Variants in DMXL1 observed in about 807,000 individuals in gnomAD.
The protein encoded by DMXL1 is Dmx like 1.
Under a neutral mutation model 319.2 loss-of-function variants are expected in DMXL1, and 99 were observed. The observed-to-expected ratio is 0.31, with a 90% CI of 0.26 to 0.37. The LOEUF is 0.37. Ranked by LOEUF, DMXL1 falls within the 10% of genes least tolerant of loss-of-function variation. The pLI, the probability that DMXL1 is intolerant of heterozygous loss-of-function variation, is 1.00. For missense variants in DMXL1, 3,745 were observed against 3,595.6 expected (o/e 1.04, Z -1.06); for synonymous variants, 1,385 against 1,235.2 (o/e 1.12, Z -2.54).
intron 9 of DMXL1, 101 bp downstream of exon 9, chr5:119,121,240 G>T: frequency 1.0e-6 from 1 of 958,024 alleles, no homozygotes. Flanking sequence ...AATATTGGAG[G>T]TGACTGTCTT....
intron 28 of DMXL1, 38 bp downstream of exon 28, chr5:119,178,282 T>G (rs1391408157): frequency 6.3e-7 from 1 of 1,588,060 alleles, no homozygotes; most frequent in African/African-American, 1.4e-5. Flanking sequence ...GAAGCTTTAT[T>G]TATCTGAGTG....
intron 1 of DMXL1, among the ~76,000 whole-genome samples, chr5:119,097,088 C>G (rs796898184): frequency 7.9e-5 from 12 of 152,232 alleles, no homozygotes; most frequent in African/African-American, 2.9e-4. Flanking sequence ...TAGAAAAGAC[C>G]AGGCAGATAA....
At chr5:119,197,717 C>A (rs762616659) in intron 31 of DMXL1, 38 bp from the exon 32 acceptor site, 1 of 1,580,672 alleles carries the variant, frequency 6.3e-7, no homozygotes, top group Non-Finnish European at 8.7e-7. Flanking sequence ...TGGCATTTTA[C>A]TGCATAAGAT....
At chr5:119,189,568 C>A in intron 28 of DMXL1, 140 bp from the exon 29 acceptor site, 1 of 731,234 alleles carries the variant, frequency 1.4e-6, no homozygotes, top group Non-Finnish European at 2.2e-6. Flanking sequence ...TATTTTCTTA[C>A]CTGCTGTGTA....
rs1338995015 is a variant in DMXL1 at position 119,189,686 on chromosome 5, C to T, written c.7136-22C>T. On this transcript the variant is annotated intron_variant, in intron 28 of 43. Transcript: ENST00000539542. ...TGCAATGAAAATAGTACTTCAGTAA[C>T]ATTTTATTTTCTTTTTGTTAGTTTC... The T allele has an allele frequency of 2.5e-6, 4 of 1,604,890 alleles. No homozygotes were observed. In the Admixed American group the frequency reaches 5.0e-5, roughly 20 times the overall value.
chr5:119,097,378 G>A (rs1756205521), intron 1 of DMXL1, among the ~76,000 whole-genome samples: 2 of 152,170 alleles, frequency 1.3e-5, no homozygotes, highest in Admixed American at 1.3e-4. Context: ...ATAGGAGAGA[G>A]ATGATCATGG....
chr5:119,132,675 A>C (rs1424059895), intron 10 of DMXL1: 1 of 126,192 alleles, frequency 7.9e-6, no homozygotes, highest in Non-Finnish European at 1.7e-5. Flanking sequence ...ACTCCGTCTC[A>C]AAAAAAAAAA....
chr5:119,232,099 G>T (rs886152166), intron 38 of DMXL1, among the ~76,000 whole-genome samples: 2 of 152,056 alleles, frequency 1.3e-5, no homozygotes, highest in Middle Eastern at 3.2e-3. Flanking sequence ...TTCTGCCTCA[G>T]TCTCCTGAGT....
intron 4 of DMXL1, among the ~76,000 whole-genome samples, chr5:119,106,571 T>C (rs1758394302): frequency 6.6e-6 from 1 of 152,166 alleles, no homozygotes; most frequent in African/African-American, 2.4e-5. Context: ...AAAGTCATGC[T>C]AAAAATTTGA....
intron 17 of DMXL1, 81 bp from the exon 18 acceptor site, chr5:119,148,658 A>G: frequency 7.1e-7 from 1 of 1,411,116 alleles, no homozygotes; most frequent in Non-Finnish European, 9.6e-7. Context: ...AGTTAATACA[A>G]AAGACTAAAA....
At chr5:119,080,955 A>G (rs1402941674) in intron 1 of DMXL1, among the ~76,000 whole-genome samples, 1 of 152,164 alleles carries the variant, frequency 6.6e-6, no homozygotes, top group Admixed American at 6.5e-5. Context: ...TGGCTAACTC[A>G]TCCCTAAAGG....
intron 43 of DMXL1, among the ~76,000 whole-genome samples, chr5:119,246,118 T>A (rs985912239): frequency 5.9e-5 from 9 of 152,196 alleles, no homozygotes; most frequent in African/African-American, 2.2e-4. Flanking sequence ...TATAATTTGC[T>A]TTACAGGCAC....
chr5:119,097,300 T>G (rs769348912), intron 1 of DMXL1, among the ~76,000 whole-genome samples: 115 of 152,308 alleles, frequency 7.6e-4, no homozygotes, highest in Middle Eastern at 3.4e-3. Flanking sequence ...CAGTAAACAT[T>G]CTTCAAATAT....
chr5:119,214,615 C>G (rs1783365557), intron 34 of DMXL1, among the ~76,000 whole-genome samples: 1 of 152,092 alleles, frequency 6.6e-6, no homozygotes, highest in Non-Finnish European at 1.5e-5. Context: ...ACCACTATTT[C>G]TTTGACCCAC....
chr5:119,129,468 A>ATGTGTCT, intron 10 of DMXL1, 45 bp downstream of exon 10: 1 of 1,412,506 alleles, frequency 7.1e-7, no homozygotes, highest in Non-Finnish European at 9.7e-7. Flanking sequence ...TGCTCAAAAT[A>ATGTGTCT]GCAAACATTT....
intron 40 of DMXL1, among the ~76,000 whole-genome samples, chr5:119,238,147 TG>T (rs1228940322): frequency 2.0e-5 from 3 of 151,162 alleles, no homozygotes; most frequent in Non-Finnish European, 2.9e-5. Context: ...TCTAAGGGAC[TG>T]TTTTTTTTAA....
chr5:119,201,957 C>A (rs369017303), intron 32 of DMXL1, among the ~76,000 whole-genome samples: 1 of 152,078 alleles, frequency 6.6e-6, no homozygotes, highest in Non-Finnish European at 1.5e-5. Flanking sequence ...TATCTTCTCT[C>A]TTTTCTTTTT....
At chr5:119,234,082 A>G (rs1483558341) in intron 39 of DMXL1, among the ~76,000 whole-genome samples, 1 of 152,136 alleles carries the variant, frequency 6.6e-6, no homozygotes, top group Non-Finnish European at 1.5e-5. Flanking sequence ...TAAAATATTT[A>G]TTATGTGGCC....
chr5:119,085,647 G>C (rs1008761905), intron 1 of DMXL1, among the ~76,000 whole-genome samples: 7 of 152,060 alleles, frequency 4.6e-5, no homozygotes, highest in African/African-American at 1.7e-4. Context: ...AGGCTAATTT[G>C]ACTTCTTCCT....
Sources: allele counts gnomAD v4.1 joint callset (sites outside exome capture counted in the v4.1 genomes callset), GRCh38; gene constraint gnomAD v4.1.1; transcripts MANE v1.5; gene names NCBI Gene and HGNC (gene_info 2026-07-23, HGNC 2026-07-21).